Variants in ITPR1 observed in about 807,000 individuals in gnomAD.
ITPR1 encodes inositol 1,4,5-trisphosphate receptor type 1, also known as inositol 1,4,5-trisphosphate-gated calcium channel ITPR1.
ITPR1 carries 96 observed loss-of-function variants against 318.4 expected under a neutral mutation model. The ratio of observed to expected loss-of-function variants is 0.30; its 90% CI spans 0.26 to 0.36. The LOEUF (loss-of-function observed/expected upper bound fraction) is 0.36. Ranked by LOEUF, ITPR1 falls within the 10% of genes least tolerant of loss-of-function variation. ITPR1 has a pLI of 1.00. For synonymous variants in ITPR1, 1,312 were observed against 1,289.9 expected (o/e 1.02, Z -0.37); for missense variants, 2,440 against 3,460.2 (o/e 0.71, Z 7.40).
intron 19 of ITPR1, 70 bp downstream of exon 19, chr3:4,669,843 A>G: frequency 7.3e-7 from 1 of 1,378,974 alleles, no homozygotes; most frequent in Non-Finnish European, 9.5e-7. Context: ...TGAGGAATAA[A>G]ACCTAGCCCT....
chr3:4,743,643 T>C (rs1487290686), intron 44 of ITPR1, among the ~76,000 whole-genome samples: 1 of 152,178 alleles, frequency 6.6e-6, no homozygotes, highest in Non-Finnish European at 1.5e-5. Flanking sequence ...GTGATTTTTC[T>C]TATTTCCTGA....
In ITPR1 at chr3:4,627,740, C is replaced by A. The variant is rs531991826; in HGVS notation, c.164-23C>A. ...CTCTATACACCCTCAATGGCAATTT[C>A]TGTTTGTTTGCTTCACTTCTAGACT... On this transcript the variant is annotated intron_variant, in intron 4 of 61. Transcript: ENST00000649015. 3 of 1,487,418 alleles carry A rather than the reference C, an allele frequency of 2.0e-6. No homozygotes were observed. The African/African-American group carries it at 4.1e-5, about 21-fold the overall frequency. 92.1% of individuals were successfully genotyped at this position (1,487,418 alleles called of 1,614,324 possible).
chr3:4,707,561 C>T (rs73112429), intron 37 of ITPR1, among the ~76,000 whole-genome samples: 22,571 of 152,134 alleles, frequency 0.15, 1,751 homozygotes, highest in Middle Eastern at 0.18. Flanking sequence ...CTCTTTTGGT[C>T]AAGGCAGTCT....
chr3:4,739,659 T>G (rs908232844), intron 44 of ITPR1, among the ~76,000 whole-genome samples: 2 of 152,202 alleles, frequency 1.3e-5, no homozygotes, highest in African/African-American at 4.8e-5. Context: ...CCTCCACCTG[T>G]AGTTATCTGT....
intron 7 of ITPR1, 27 bp downstream of exon 7, chr3:4,642,278 G>A: frequency 6.7e-7 from 1 of 1,486,298 alleles, no homozygotes; most frequent in Non-Finnish European, 9.0e-7. Flanking sequence ...CACCTAGAAA[G>A]TCTTCCGTGC....
At chr3:4,538,596 T>G (rs1288796490) in intron 4 of ITPR1, among the ~76,000 whole-genome samples, 1 of 152,138 alleles carries the variant, frequency 6.6e-6, no homozygotes, top group Admixed American at 6.6e-5. Flanking sequence ...TACATGCACA[T>G]GTATGTTCAT....
chr3:4,711,907 T>C, intron 39 of ITPR1, 39 bp downstream of exon 39: 3 of 1,103,618 alleles, frequency 2.7e-6, no homozygotes, highest in Non-Finnish European at 3.9e-6. Context: ...CAGGTTTTAC[T>C]ATGAAACTGA....
chr3:4,773,887 G>A (rs2046333457), intron 46 of ITPR1, among the ~76,000 whole-genome samples: 1 of 152,198 alleles, frequency 6.6e-6, no homozygotes, highest in Non-Finnish European at 1.5e-5. Flanking sequence ...AGTTGTAGTG[G>A]GGAGAAAGGA....
At chr3:4,640,910 C>A (rs1254641997) in intron 6 of ITPR1, among the ~76,000 whole-genome samples, 1 of 152,174 alleles carries the variant, frequency 6.6e-6, no homozygotes, top group African/African-American at 2.4e-5. Context: ...AGAGGTTACT[C>A]ACCAGGGGAA....
At chr3:4,607,098 T>TA (rs2091757121) in intron 4 of ITPR1, among the ~76,000 whole-genome samples, 1 of 152,160 alleles carries the variant, frequency 6.6e-6, no homozygotes, top group African/African-American at 2.4e-5. Flanking sequence ...GGTGAGCTGT[T>TA]ACAGATGTGT....
chr3:4,641,472 G>A (rs1157181247), intron 6 of ITPR1, among the ~76,000 whole-genome samples: 1 of 152,150 alleles, frequency 6.6e-6, no homozygotes, highest in Non-Finnish European at 1.5e-5. Context: ...CAACTCCTGG[G>A]CTCAGGTGAT....
chr3:4,541,440 C>T (rs1266721131), intron 4 of ITPR1, among the ~76,000 whole-genome samples: 1 of 152,054 alleles, frequency 6.6e-6, no homozygotes, highest in Non-Finnish European at 1.5e-5. Context: ...CAACCTTGCT[C>T]AGTATTTTTT....
At chr3:4,595,195 G>A (rs1331554132) in intron 4 of ITPR1, among the ~76,000 whole-genome samples, 1 of 152,202 alleles carries the variant, frequency 6.6e-6, no homozygotes, top group African/African-American at 2.4e-5. Flanking sequence ...TTAGAAAAGA[G>A]GTTTAATTAG....
intron 4 of ITPR1, among the ~76,000 whole-genome samples, chr3:4,599,615 C>A (rs531458963): frequency 6.6e-5 from 10 of 152,270 alleles, no homozygotes; most frequent in African/African-American, 2.4e-4. Context: ...TGATGCTGTA[C>A]TTGATTGATG....
At chr3:4,723,103 A>G (rs1252793075) in intron 40 of ITPR1, among the ~76,000 whole-genome samples, 1 of 152,206 alleles carries the variant, frequency 6.6e-6, no homozygotes, top group East Asian at 1.9e-4. Flanking sequence ...AGCCGAGATC[A>G]TGCCACTGCA....
At chr3:4,765,899 C>T (rs2125371961) in intron 44 of ITPR1, among the ~76,000 whole-genome samples, 1 of 152,264 alleles carries the variant, frequency 6.6e-6, no homozygotes, top group East Asian at 1.9e-4. Flanking sequence ...CTTACCTGTC[C>T]TTTGAAGCCT....
intron 60 of ITPR1, among the ~76,000 whole-genome samples, chr3:4,828,146 C>G (rs898816047): frequency 2.0e-5 from 3 of 152,072 alleles, no homozygotes; most frequent in South Asian, 2.1e-4. Flanking sequence ...ATAAATGTAT[C>G]TTTCCCCGAA....
chr3:4,702,006 GT>G (rs1193980304), intron 35 of ITPR1, among the ~76,000 whole-genome samples: 1 of 151,866 alleles, frequency 6.6e-6, no homozygotes, highest in Non-Finnish European at 1.5e-5. Flanking sequence ...TATGCAAGTT[GT>G]CCCCTCTGAA....
chr3:4,700,883 CA>C (rs1480948518), intron 35 of ITPR1, among the ~76,000 whole-genome samples: 1 of 152,146 alleles, frequency 6.6e-6, no homozygotes, highest in African/African-American at 2.4e-5. Flanking sequence ...AGAACTTGTG[CA>C]GGGAAACTCC....
Sources: gnomAD v4.1 joint callset for allele counts (sites outside exome capture counted in the v4.1 genomes callset) on GRCh38, gnomAD v4.1.1 for gene constraint, MANE v1.5 for transcripts, NCBI Gene and HGNC (gene_info 2026-07-23, HGNC 2026-07-21) for gene names.